BUD23: variants seen among roughly 807,000 people sequenced by gnomAD.
BUD23 encodes the protein 18S rRNA (guanine-N(7))-methyltransferase.
Under a neutral mutation model 47.0 loss-of-function variants are expected in BUD23, and 34 were observed. The ratio of observed to expected loss-of-function variants is 0.72; its 90% CI spans 0.55 to 0.96. BUD23 has a LOEUF of 0.96. Ranked by LOEUF, BUD23 falls within the 40% of genes least tolerant of loss-of-function variation. The probability of loss-of-function intolerance (pLI) is 0.00; values close to 1 mark genes in which losing one functional copy is unlikely to be tolerated. For missense variants in BUD23, 343 were observed against 361.2 expected (o/e 0.95, Z 0.41); for synonymous variants, 124 against 132.0 (o/e 0.94, Z 0.41).
chr7:73,697,172 A>C, intron 10 of BUD23: 3 of 465,324 alleles, frequency 6.4e-6, no homozygotes, highest in African/African-American at 2.0e-5. Context: ...CTTCCTTTTC[A>C]GACCCTCCTT....
chr7:73,695,417 T>A (rs1798365287), intron 10 of BUD23: 1 of 151,930 alleles, frequency 6.6e-6, no homozygotes. Flanking sequence ...GCCCAACTAA[T>A]TTTTTGTGTT....
At chr7:73,687,722 C>T (rs1046574820) in intron 5 of BUD23, among the ~76,000 whole-genome samples, 2 of 152,132 alleles carry the variant, frequency 1.3e-5, no homozygotes, top group African/African-American at 2.4e-5. Context: ...GCCAGTGCCT[C>T]CCAAACCTGG....
intron 5 of BUD23, among the ~76,000 whole-genome samples, chr7:73,687,380 G>A (rs1487655482): frequency 1.3e-5 from 2 of 152,038 alleles, no homozygotes; most frequent in African/African-American, 4.8e-5. Context: ...AGGCTCAAGC[G>A]ATTCTCCTGC....
Position 73,690,928 on chromosome 7 carries a change from G to C in BUD23, c.375G>C (p.Val125=). 1 of 1,614,106 alleles carries C rather than the reference G, an allele frequency of 6.2e-7. No homozygotes were observed. Among genetic ancestry groups the C allele is most frequent in the South Asian group, 1.1e-5 (1 of 91,078 alleles). The change falls in exon 6 of 12, where the codon GTG becomes GTC. Residue 125 remains valine, a synonymous_variant. Coordinates refer to ENST00000265758, the MANE Select transcript of BUD23 (RefSeq NM_017528.5). ...TFDGCISISA[V]QWLCNANKKS... is the part of the protein sequence containing the mutation. ...CCTTCCTTTTTAGCATTTCTGCTGTGCAGTGGCTCTGTAATGCTAACAAGA... is the reference window on the plus strand; with the variant it reads ...CCTTCCTTTTTAGCATTTCTGCTGTCCAGTGGCTCTGTAATGCTAACAAGA...
chr7:73,694,764 A>G (rs1015665988), intron 10 of BUD23: 3 of 152,608 alleles, frequency 2.0e-5, no homozygotes, highest in South Asian at 2.1e-4. Flanking sequence ...TCCACCCACC[A>G]TCGTGGTTTC....
rs11390617 is a variant in BUD23 at position 73,698,137 on chromosome 7, GAA to G, written c.*269_*270del. The G allele has an allele frequency of 4.7e-4, 64 of 136,502 alleles. No homozygotes were observed. In the East Asian group the frequency reaches 8.4e-3, roughly 18 times the overall value. 8.5% of individuals were successfully genotyped at this position (136,502 alleles called of 1,614,324 possible). ...ATAATGAAACTTCCTTTCCAGGGAG[GAA>G]AAAAAAAAAAAAAAAAAGCTCTGAG... On this transcript the variant is annotated 3_prime_UTR_variant, in exon 12 of 12. Coordinates refer to ENST00000265758, the MANE Select transcript of BUD23 (RefSeq NM_017528.5).
chr7:73,683,882 A>C, intron 2 of BUD23, 78 bp downstream of exon 2: 1 of 1,613,184 alleles, frequency 6.2e-7, no homozygotes, highest in South Asian at 1.1e-5. Context: ...CGTTGCCCGG[A>C]AAGGCCGTAG....
In BUD23 at chr7:73,694,216, C is replaced by G. The variant is rs1798308102; in HGVS notation, c.701+166C>G. On this transcript the variant is annotated intron_variant, in intron 10 of 11. Coordinates refer to ENST00000265758, the MANE Select transcript of BUD23 (RefSeq NM_017528.5). ...CCATTTGGACTGTGCCTGTTTGGGG[C>G]TAGGGGTTTGGGGTCCTGGATGTCT... 5.5e-6 allele frequency: 4 copies of G among 727,160 alleles called. No homozygotes were observed. In the East Asian group the frequency reaches 1.2e-4, roughly 21 times the overall value. 45.0% of individuals were successfully genotyped at this position (727,160 alleles called of 1,614,324 possible).
intron 5 of BUD23, among the ~76,000 whole-genome samples, chr7:73,687,635 C>T (rs1165706853): frequency 6.6e-6 from 1 of 152,162 alleles, no homozygotes; most frequent in South Asian, 2.1e-4. Context: ...GCGATCCACA[C>T]ACCTGGGCCT....
intron 6 of BUD23, among the ~76,000 whole-genome samples, 157 bp downstream of exon 6, chr7:73,691,169 C>T (rs1301950418): frequency 6.6e-6 from 1 of 152,092 alleles, no homozygotes; most frequent in Non-Finnish European, 1.5e-5. Flanking sequence ...CTGTCCAGGT[C>T]CTCAGCCTAA....
chr7:73,683,726 T>G (rs1554612138), intron 1 of BUD23, 41 bp from the exon 2 acceptor site: 1 of 1,614,106 alleles, frequency 6.2e-7, no homozygotes. Flanking sequence ...GGCCACCGCG[T>G]CTGAATTATT....
chr7:73,686,935 C>A (rs78153604), intron 4 of BUD23, 35 bp downstream of exon 4: 1 of 1,613,978 alleles, frequency 6.2e-7, no homozygotes, highest in East Asian at 2.2e-5. Context: ...GGGTGGATTA[C>A]CCTGATGGGT....
In BUD23 at chr7:73,683,630, C is replaced by G. The variant is rs782291625; in HGVS notation, c.5C>G (p.Ala2Gly). ...GTGTGCTGCTGAGGCGTGAGAATGGCGTCCCGCGGCCGGCGTCCGGAGCAT... is the reference window on the plus strand; with the variant it reads ...GTGTGCTGCTGAGGCGTGAGAATGGGGTCCCGCGGCCGGCGTCCGGAGCAT... MASRGRRPEHGG... is the reference protein window; with the variant it reads MGSRGRRPEHGG... Residue 2 changes from alanine (A) to glycine (G), a missense_variant, in exon 1 of 12, where the codon GCG (alanine) becomes GGG (glycine). Physicochemically the swap from Ala to Gly is moderately conservative, Grantham distance 60. Transcript: ENST00000265758. 3 of 1,609,706 alleles carry G rather than the reference C, an allele frequency of 1.9e-6. No homozygotes were observed. In the Admixed American group the frequency reaches 5.1e-5, roughly 27 times the overall value.
chr7:73,693,820 T>A, intron 9 of BUD23, 151 bp downstream of exon 9: 1 of 1,341,964 alleles, frequency 7.5e-7, no homozygotes, highest in Non-Finnish European at 1.1e-6. Context: ...CTCTGGAATC[T>A]GGAGGCAGAG....
At position 73,690,956 on chromosome 7, in the gene BUD23, T is replaced by A. The variant is rs781881935; in HGVS notation, c.403T>A (p.Ser135Thr). ...VQWLCNANKK[S>T]ENPAKRLYCF... ...GTGGCTCTGTAATGCTAACAAGAAG[T>A]CTGAAAACCCTGCCAAGCGCCTGTA... Residue 135 changes from serine to threonine, a missense_variant, in exon 6 of 12, where the codon TCT becomes ACT. By Grantham distance (58) the Ser-to-Thr change is moderately conservative. Coordinates refer to ENST00000265758, the MANE Select transcript of BUD23 (RefSeq NM_017528.5). The A allele has an allele frequency of 6.2e-7, 1 of 1,614,176 alleles. No individual in the cohort carries two copies. The highest frequency in any genetic ancestry group is 8.5e-7 in the Non-Finnish European group (1 of 1,180,030).
chr7:73,684,143 T>A, intron 2 of BUD23: 1 of 567,264 alleles, frequency 1.8e-6, no homozygotes, highest in Non-Finnish European at 3.0e-6. Flanking sequence ...GTAATGGCCG[T>A]AGGATGCTTA....
intron 7 of BUD23, 110 bp from the exon 8 acceptor site, chr7:73,693,219 C>T: frequency 9.6e-7 from 1 of 1,042,458 alleles, no homozygotes; most frequent in Admixed American, 2.0e-5. Flanking sequence ...TTAAGTTCTC[C>T]CAGGCAGGAT....
rs1554613157 is a variant in BUD23, at chr7:73,686,992, A to G, written c.266-7A>G. On this transcript the variant is annotated splice_polypyrimidine_tract_variant and splice_region_variant and intron_variant, in intron 4 of 11. Coordinates refer to ENST00000265758, the MANE Select transcript of BUD23 (RefSeq NM_017528.5). ...CTCTTTCTCTGACTGCCTTTTCTCT[A>G]ATGTAGATGAGGCTGTGGACCGAGA... The G allele has an allele frequency of 1.9e-6, 3 of 1,614,118 alleles. No individual in the cohort carries two copies. Among genetic ancestry groups the G allele is most frequent in the South Asian group, 1.1e-5 (1 of 91,080 alleles).
At chr7:73,694,429 G>A (rs1798315535) in intron 10 of BUD23, 1 of 192,956 alleles carries the variant, frequency 5.2e-6, no homozygotes, top group African/African-American at 2.3e-5. Flanking sequence ...GGTCACTGCT[G>A]TCGGCACACA....
Sources: gnomAD v4.1 joint callset for allele counts (sites outside exome capture counted in the v4.1 genomes callset) on GRCh38, gnomAD v4.1.1 for gene constraint, MANE v1.5 for transcripts, NCBI Gene and HGNC (gene_info 2026-07-23, HGNC 2026-07-21) for gene names.